The following LRRFIP1 variants were observed in gnomAD, a reference collection of about 807,000 sequenced individuals.
LRRFIP1 encodes the protein LRR binding FLII interacting protein 1.
Under a neutral mutation model 104.4 loss-of-function variants are expected in LRRFIP1, and 62 were observed. That is an observed-to-expected ratio of 0.59 (90% CI 0.48 to 0.73). The LOEUF is 0.73. LRRFIP1 is among the 30% of genes least tolerant of loss of function. The probability of loss-of-function intolerance (pLI) is 0.00; values close to 1 mark genes in which losing one functional copy is unlikely to be tolerated. For synonymous variants in LRRFIP1, 300 were observed against 299.0 expected (o/e 1.00, Z -0.03); for missense variants, 796 against 824.5 (o/e 0.97, Z 0.42).
intron 18 of LRRFIP1, 74 bp from the exon 19 acceptor site, chr2:237,759,990 T>C: frequency 7.0e-7 from 1 of 1,426,318 alleles, no homozygotes; most frequent in Non-Finnish European, 9.7e-7. Context: ...TTTTCTTTTT[T>C]ATTATTGTAT....
intron 11 of LRRFIP1, among the ~76,000 whole-genome samples, chr2:237,741,079 C>T (rs1008950736): frequency 6.6e-6 from 1 of 152,200 alleles, no homozygotes; most frequent in African/African-American, 2.4e-5. Context: ...TCCACCCCTC[C>T]CCATCCCAGA....
intron 4 of LRRFIP1, among the ~76,000 whole-genome samples, chr2:237,718,755 G>A (rs901511377): frequency 9.9e-5 from 15 of 152,066 alleles, no homozygotes; most frequent in African/African-American, 3.4e-4. Context: ...AACATCTTAC[G>A]TACTGGGTAT....
In LRRFIP1 at chr2:237,699,745, C is replaced by T. The variant is rs551618481; in HGVS notation, c.97-8799C>T. On this transcript the variant is annotated intron_variant, in intron 1 of 23. Transcript: ENST00000308482. Reference sequence around the variant, plus strand: ...ATGCGGGATGGTTGGCCGACCTGGCCCTGCCCCCCCGCCCCAATACCCTTA... The same window carrying T: ...ATGCGGGATGGTTGGCCGACCTGGCTCTGCCCCCCCGCCCCAATACCCTTA... 5.3e-5 allele frequency among the ~76,000 whole-genome samples: 8 copies of T among 152,312 alleles called. No individual in the cohort carries two copies. The East Asian group carries it at 1.5e-3, about 29-fold the overall frequency.
At chr2:237,728,690 C>A (rs2094875357) in intron 8 of LRRFIP1, among the ~76,000 whole-genome samples, 1 of 151,980 alleles carries the variant, frequency 6.6e-6, no homozygotes, top group Non-Finnish European at 1.5e-5. Context: ...TCATTTTTTT[C>A]TTTTAGTAAT....
rs78269552 is a variant in LRRFIP1 at position 237,781,449 on chromosome 2, G to A, written c.*1917G>A. Among the ~76,000 whole-genome samples the A allele has an allele frequency of 6.9e-3, 1,050 of 152,220 alleles. 14 individuals carry two copies. The highest frequency in any genetic ancestry group is 0.024 in the African/African-American group (1,017 of 41,520). On this transcript the variant is annotated 3_prime_UTR_variant, in exon 24 of 24. Transcript: ENST00000308482. ...CAGGGCTGCAAGGCATCGATTCCCA[G>A]GTGTCTCACAGCCCTGAGAAGATGG...
intron 1 of LRRFIP1, among the ~76,000 whole-genome samples, chr2:237,647,163 G>A (rs2085059787): frequency 6.6e-6 from 1 of 151,962 alleles, no homozygotes; most frequent in African/African-American, 2.4e-5. Flanking sequence ...GTGTTGGGCA[G>A]GATAGGCCAA....
At chr2:237,762,454 C>T (rs1441865348) in intron 19 of LRRFIP1, 1 of 684,810 alleles carries the variant, frequency 1.5e-6, no homozygotes, top group East Asian at 2.8e-5. Context: ...CCGCACAGAA[C>T]TGGCAAAGGC....
At chr2:237,776,545 G>A (rs906781713) in intron 23 of LRRFIP1, among the ~76,000 whole-genome samples, 2 of 152,068 alleles carry the variant, frequency 1.3e-5, no homozygotes, top group African/African-American at 4.8e-5. Flanking sequence ...AAAAGATGAT[G>A]GTGGATTTAT....
At position 237,703,743 on chromosome 2, in the gene LRRFIP1, T is replaced by C. The variant is rs3754725; in HGVS notation, c.97-4801T>C. 6.6e-6 allele frequency among the ~76,000 whole-genome samples: 1 copy of C among 151,740 alleles called. No individual in the cohort carries two copies. On this transcript the variant is annotated intron_variant, in intron 1 of 23. Transcript: ENST00000308482. This position sits in a 1 kb window ranked among gnomAD's most constrained non-coding sequence, Gnocchi z 4.3. ...TCACCAGGTGCTTTGCCTGTTTCCC[T>C]GGAGACTGGGCACCCAAACCACATT...
intron 1 of LRRFIP1, among the ~76,000 whole-genome samples, chr2:237,695,477 G>A (rs914971751): frequency 1.3e-5 from 2 of 152,194 alleles, no homozygotes; most frequent in Non-Finnish European, 2.9e-5. Flanking sequence ...GTCCTCAAAA[G>A]GCAATGTCCA....
intron 1 of LRRFIP1, among the ~76,000 whole-genome samples, chr2:237,689,653 C>T (rs763356233): frequency 3.9e-5 from 6 of 152,180 alleles, no homozygotes; most frequent in Non-Finnish European, 8.8e-5. Flanking sequence ...GGGCTGCCCA[C>T]AGTCTTGCTG....
intron 11 of LRRFIP1, among the ~76,000 whole-genome samples, chr2:237,747,894 C>G (rs2058081443): frequency 6.6e-6 from 1 of 152,006 alleles, no homozygotes; most frequent in Non-Finnish European, 1.5e-5. Context: ...TTAAAAAACC[C>G]TTCCCCCCAC....
intron 6 of LRRFIP1, among the ~76,000 whole-genome samples, chr2:237,723,238 C>T (rs150349146): frequency 4.9e-4 from 75 of 152,194 alleles, no homozygotes; most frequent in African/African-American, 1.7e-3. Context: ...CATCTGTTAA[C>T]CTTTGCCCTT....
At chr2:237,702,727 C>G (rs2093605752) in intron 1 of LRRFIP1, among the ~76,000 whole-genome samples, 1 of 152,152 alleles carries the variant, frequency 6.6e-6, no homozygotes. Flanking sequence ...GCATGTCCTG[C>G]TGCACGGCAG....
At chr2:237,688,634 T>A (rs538368348) in intron 1 of LRRFIP1, among the ~76,000 whole-genome samples, 1 of 152,036 alleles carries the variant, frequency 6.6e-6, no homozygotes, top group African/African-American at 2.4e-5. Context: ...AACTTTTGTA[T>A]TTTTAGTAGA....
chr2:237,703,307 C>T lies in LRRFIP1; in HGVS notation c.97-5237C>T, dbSNP rs1014590189. On this transcript the variant is annotated intron_variant, in intron 1 of 23. Coordinates refer to ENST00000308482, the MANE Select transcript of LRRFIP1 (RefSeq NM_001137550.2). The surrounding 1 kb of genome is among the most constrained non-coding windows in gnomAD (Gnocchi z 4.3). ...GAGCTTGATCCGCTGCAGCCCAGCCCGTTCCTGTCCCCATGCTGGAAGCAG... is the reference window on the plus strand; with the variant it reads ...GAGCTTGATCCGCTGCAGCCCAGCCTGTTCCTGTCCCCATGCTGGAAGCAG... Among the ~76,000 whole-genome samples the T allele has an allele frequency of 1.3e-5, 2 of 152,188 alleles. No individual in the cohort carries two copies. The highest frequency in any genetic ancestry group is 2.9e-5 in the Non-Finnish European group (2 of 68,022).
intron 17 of LRRFIP1, among the ~76,000 whole-genome samples, 190 bp from the exon 18 acceptor site, chr2:237,758,539 C>A (rs907649312): frequency 6.6e-6 from 1 of 152,188 alleles, no homozygotes; most frequent in African/African-American, 2.4e-5. Flanking sequence ...AGTAACATTT[C>A]TTGGATTATA....
intron 1 of LRRFIP1, among the ~76,000 whole-genome samples, chr2:237,671,791 TGCA>T (rs2090379779): frequency 6.6e-6 from 1 of 151,364 alleles, no homozygotes; most frequent in Admixed American, 6.6e-5. Flanking sequence ...CCTGTGTGTG[TGCA>T]GGTGTGTGTG....
rs375235687 is a variant in LRRFIP1 at position 237,752,212 on chromosome 2, C to T, written c.867+941C>T. ...CCGGAGGTCAGGAGTTTGAGACCAGCCTGGCCAACATGGTGAGACCCCGTC... is the reference window on the plus strand; with the variant it reads ...CCGGAGGTCAGGAGTTTGAGACCAGTCTGGCCAACATGGTGAGACCCCGTC... On this transcript the variant is annotated intron_variant, in intron 14 of 23. Coordinates refer to ENST00000308482, the MANE Select transcript of LRRFIP1 (RefSeq NM_001137550.2). 2.2e-3 allele frequency among the ~76,000 whole-genome samples: 339 copies of T among 152,260 alleles called. 3 individuals carry two copies. The highest frequency in any genetic ancestry group is 7.4e-3 in the African/African-American group (308 of 41,568).
Sources: gnomAD v4.1 joint callset for allele counts (sites outside exome capture counted in the v4.1 genomes callset) on GRCh38, gnomAD v4.1.1 for gene constraint, Gnocchi (gnomAD v3.1) non-coding constraint, MANE v1.5 for transcripts, NCBI Gene and HGNC (gene_info 2026-07-23, HGNC 2026-07-21) for gene names.